LRP1B: variants seen among roughly 807,000 people sequenced by gnomAD.
LRP1B encodes the protein LDL receptor related protein 1B.
A neutral mutation model predicts 556.6 loss-of-function variants in LRP1B; 217 were observed. That is an observed-to-expected ratio of 0.39 (90% CI 0.35 to 0.44). LRP1B has a LOEUF of 0.44. LRP1B is among the 20% of genes least tolerant of loss of function. LRP1B has a pLI of 1.00. For synonymous variants in LRP1B, 2,047 were observed against 1,865.8 expected (o/e 1.10, Z -2.50); for missense variants, 5,053 against 5,620.8 (o/e 0.90, Z 3.23).
At chr2:141,063,337 A>G (rs1408733962) in intron 7 of LRP1B, among the ~76,000 whole-genome samples, 1 of 151,856 alleles carries the variant, frequency 6.6e-6, no homozygotes, top group Non-Finnish European at 1.5e-5. Context: ...ACATTATTTA[A>G]ACTTTAATTT....
chr2:141,362,767 A>C (rs918292744), intron 3 of LRP1B, among the ~76,000 whole-genome samples: 12 of 151,700 alleles, frequency 7.9e-5, no homozygotes, highest in African/African-American at 2.9e-4. Context: ...CATCCACCTC[A>C]CCAGAAGAAA....
intron 29 of LRP1B, among the ~76,000 whole-genome samples, chr2:140,845,099 C>CT (rs904095382): frequency 6.6e-6 from 1 of 152,094 alleles, no homozygotes; most frequent in Non-Finnish European, 1.5e-5. Flanking sequence ...AAAAACAAAA[C>CT]TTTTTTTCTG....
intron 41 of LRP1B, among the ~76,000 whole-genome samples, chr2:140,683,202 C>G (rs560669675): frequency 1.3e-5 from 2 of 152,088 alleles, no homozygotes; most frequent in South Asian, 4.2e-4. Context: ...GAACAGCAGA[C>G]TGGGGAGAAC....
chr2:140,683,612 T>G (rs1685940447), intron 41 of LRP1B: 1 of 698,726 alleles, frequency 1.4e-6, no homozygotes, highest in Non-Finnish European at 2.7e-6. Context: ...GTGGACAGTT[T>G]GTCCCTTCTC....
chr2:140,414,826 TAGGGAACG>T (rs1685114078), intron 66 of LRP1B, among the ~76,000 whole-genome samples: 1 of 152,086 alleles, frequency 6.6e-6, no homozygotes. Context: ...CAGCGATCTT[TAGGGAACG>T]AGGGAAGACA....
intron 3 of LRP1B, among the ~76,000 whole-genome samples, chr2:141,356,542 A>C (rs911058928): frequency 6.6e-6 from 1 of 152,040 alleles, no homozygotes; most frequent in Admixed American, 6.6e-5. Flanking sequence ...TATGATCTCC[A>C]AGTATGATTC....
chr2:141,836,119 G>C (rs1305395871), intron 1 of LRP1B, among the ~76,000 whole-genome samples: 1 of 151,890 alleles, frequency 6.6e-6, no homozygotes, highest in Admixed American at 6.6e-5. Context: ...CTTGTGAAAA[G>C]AGAACCCTCT....
intron 7 of LRP1B, among the ~76,000 whole-genome samples, chr2:141,087,993 C>T (rs1229979354): frequency 3.3e-5 from 5 of 152,140 alleles, no homozygotes; most frequent in Admixed American, 3.3e-4. Flanking sequence ...GAATAGAGCA[C>T]AACTTAAATG....
intron 86 of LRP1B, among the ~76,000 whole-genome samples, chr2:140,247,961 A>G (rs2104900905): frequency 6.6e-6 from 1 of 151,788 alleles, no homozygotes; most frequent in East Asian, 2.0e-4. Context: ...CAGAGAAACA[A>G]TTTAATTGGC....
intron 4 of LRP1B, among the ~76,000 whole-genome samples, chr2:141,253,409 A>G (rs528716507): frequency 1.3e-5 from 2 of 152,294 alleles, no homozygotes; most frequent in East Asian, 3.9e-4. Context: ...TTGATAATAA[A>G]TGTTTTTTTA....
At chr2:140,576,736 G>A (rs1317805986) in intron 43 of LRP1B, among the ~76,000 whole-genome samples, 1 of 152,040 alleles carries the variant, frequency 6.6e-6, no homozygotes, top group Non-Finnish European at 1.5e-5. Flanking sequence ...CATAAAAGTA[G>A]TCTACACCTG....
chr2:140,273,704 C>T (rs1159393732), intron 85 of LRP1B, among the ~76,000 whole-genome samples: 3 of 151,930 alleles, frequency 2.0e-5, no homozygotes, highest in Non-Finnish European at 4.4e-5. Context: ...TCTTTATAAG[C>T]CCTTCCTTTA....
chr2:141,888,020 A>G (rs1208815481), intron 1 of LRP1B, among the ~76,000 whole-genome samples: 2 of 152,198 alleles, frequency 1.3e-5, no homozygotes, highest in Non-Finnish European at 2.9e-5. Flanking sequence ...TAAAGATTTT[A>G]TTAATATCAT....
intron 3 of LRP1B, among the ~76,000 whole-genome samples, chr2:141,419,121 A>G (rs1559060213): frequency 6.6e-6 from 1 of 152,106 alleles, no homozygotes; most frequent in Non-Finnish European, 1.5e-5. Flanking sequence ...TGCTCTGGCT[A>G]GGACTTTCAG....
At position 141,620,739 on chromosome 2, in the gene LRP1B, ACT is replaced by A. The variant is rs144151555; in HGVS notation, c.206-140208_206-140207del. Among the ~76,000 whole-genome samples the A allele has an allele frequency of 8.5e-3, 1,291 of 152,156 alleles. 20 individuals are homozygous for A. Among genetic ancestry groups the A allele is most frequent in the African/African-American group, 0.03 (1,241 of 41,526 alleles). Reference sequence around the variant, plus strand: ...TCCTTTCTCTGACTCTGTTTTTACCACTGTTTTGTTTTTTTCTTTTTTTTACT... The same window carrying A: ...TCCTTTCTCTGACTCTGTTTTTACCAGTTTTGTTTTTTTCTTTTTTTTACT... On this transcript the variant is annotated intron_variant, in intron 2 of 90. Coordinates refer to ENST00000389484, the MANE Select transcript of LRP1B (RefSeq NM_018557.3).
chr2:141,594,587 C>A (rs1044460994), intron 2 of LRP1B, among the ~76,000 whole-genome samples: 6 of 152,168 alleles, frequency 3.9e-5, no homozygotes, highest in Middle Eastern at 3.4e-3. Context: ...GAGTTAGAAA[C>A]AACCAATTTA....
At chr2:141,664,370 A>T (rs1690342943) in intron 2 of LRP1B, among the ~76,000 whole-genome samples, 1 of 152,194 alleles carries the variant, frequency 6.6e-6, no homozygotes, top group Non-Finnish European at 1.5e-5. Flanking sequence ...CAATCAGACA[A>T]GAGAAAGAAA....
intron 29 of LRP1B, among the ~76,000 whole-genome samples, chr2:140,849,402 ACAAAATC>A (rs67077547): frequency 0.3 from 34,526 of 113,228 alleles, 4,577 homozygotes; most frequent in African/African-American, 0.4. Context: ...AAAACAAAAA[ACAAAATC>A]CAAAAAAAAA....
At chr2:141,259,891 T>A (rs1363495192) in intron 3 of LRP1B, among the ~76,000 whole-genome samples, 37 of 138,450 alleles carry the variant, frequency 2.7e-4, no homozygotes, top group Admixed American at 2.6e-3. Context: ...ATTTTTATTA[T>A]CATAATCATT....
Sources: gnomAD v4.1 joint callset for allele counts (sites outside exome capture counted in the v4.1 genomes callset) on GRCh38, gnomAD v4.1.1 for gene constraint, MANE v1.5 for transcripts, NCBI Gene and HGNC (gene_info 2026-07-23, HGNC 2026-07-21) for gene names.